Variants in RETREG1 observed in about 807,000 individuals in gnomAD.
RETREG1 encodes reticulophagy regulator 1.
RETREG1 carries 44 observed loss-of-function variants against 54.8 expected under a neutral mutation model. That is an observed-to-expected ratio of 0.80 (90% CI 0.63 to 1.03). RETREG1 has a LOEUF of 1.03. RETREG1 is among the 50% of genes least tolerant of loss of function. The pLI, the probability that RETREG1 is intolerant of heterozygous loss-of-function variation, is 0.00. For missense variants in RETREG1, 554 were observed against 605.1 expected (o/e 0.92, Z 0.89); for synonymous variants, 217 against 238.5 (o/e 0.91, Z 0.83).
intron 3 of RETREG1, among the ~76,000 whole-genome samples, chr5:16,537,741 G>A (rs1233589140): frequency 6.7e-6 from 1 of 148,888 alleles, no homozygotes. Flanking sequence ...GGATGTTGGG[G>A]TGGCAGGAGA....
intron 2 of RETREG1, among the ~76,000 whole-genome samples, chr5:16,566,712 G>A (rs1742023098): frequency 6.6e-6 from 1 of 152,044 alleles, no homozygotes; most frequent in South Asian, 2.1e-4. Context: ...TTTTGCCTTG[G>A]CTGCCAATAT....
chr5:16,612,091 C>G (rs1189872065), intron 1 of RETREG1, among the ~76,000 whole-genome samples: 4 of 151,812 alleles, frequency 2.6e-5, no homozygotes, highest in Admixed American at 6.6e-5. Flanking sequence ...GGACATCACC[C>G]TATCACCCTA....
intron 3 of RETREG1, chr5:16,508,510 T>C: frequency 7.1e-7 from 1 of 1,415,906 alleles, no homozygotes; most frequent in South Asian, 1.2e-5. Flanking sequence ...AGTCATAATA[T>C]TTTTAAAAAG....
rs148468607 is a variant in RETREG1 at position 16,570,320 on chromosome 5, C to G, written c.427+1676G>C. 4.3e-4 allele frequency among the ~76,000 whole-genome samples: 65 copies of G among 152,298 alleles called. 1 individual carries two copies. In the East Asian group the frequency reaches 0.012, roughly 28 times the overall value. The stretch of plus-strand genomic sequence containing the variant: ...GAAATTTCCACATCTGCATGAATAT[C>G]AAGCCCATGAGTCAACAGCGGAAAC... On this transcript the variant is annotated intron_variant, in intron 2 of 8. Transcript: ENST00000306320.
At chr5:16,542,800 A>C (rs982611607) in intron 3 of RETREG1, among the ~76,000 whole-genome samples, 1 of 152,184 alleles carries the variant, frequency 6.6e-6, no homozygotes, top group Non-Finnish European at 1.5e-5. Context: ...CGGTGCTTTC[A>C]TTCATGTATT....
intron 3 of RETREG1, chr5:16,509,054 T>TTC (rs1409845262): frequency 3.0e-6 from 3 of 986,574 alleles, no homozygotes; most frequent in African/African-American, 3.5e-5. Context: ...TTTTTTTTTT[T>TTC]CTGGCATGAC....
At chr5:16,477,915 C>A in intron 7 of RETREG1, 119 bp downstream of exon 7, 1 of 1,391,854 alleles carries the variant, frequency 7.2e-7, no homozygotes, top group South Asian at 1.2e-5. Flanking sequence ...ATTTTGAAAT[C>A]ATTCAGTCAT....
chr5:16,506,477 G>T (rs375962315), intron 3 of RETREG1, among the ~76,000 whole-genome samples: 51 of 144,538 alleles, frequency 3.5e-4, no homozygotes, highest in Admixed American at 9.0e-4. Flanking sequence ...TTGTTTTTTT[G>T]TTTTTTTTTT....
intron 3 of RETREG1, among the ~76,000 whole-genome samples, chr5:16,535,611 A>G (rs1272086408): frequency 6.8e-6 from 1 of 147,558 alleles, no homozygotes; most frequent in Non-Finnish European, 1.5e-5. Flanking sequence ...TCCTGTGTAC[A>G]CGCTGCCTTC....
At chr5:16,524,293 T>C (rs1043684502) in intron 3 of RETREG1, among the ~76,000 whole-genome samples, 8 of 152,190 alleles carry the variant, frequency 5.3e-5, no homozygotes, top group African/African-American at 1.7e-4. Flanking sequence ...CCATTTCCAA[T>C]GTACTCCCAT....
intron 1 of RETREG1, among the ~76,000 whole-genome samples, chr5:16,609,581 A>T (rs138190913): frequency 6.6e-6 from 1 of 152,318 alleles, no homozygotes; most frequent in Non-Finnish European, 1.5e-5. Context: ...TGCAGCGGCC[A>T]GGCCACCTAA....
intron 3 of RETREG1, among the ~76,000 whole-genome samples, chr5:16,491,764 T>C (rs1043956755): frequency 6.6e-6 from 1 of 152,134 alleles, no homozygotes; most frequent in Admixed American, 6.5e-5. Context: ...GGCTCACACC[T>C]GTAATCCCAG....
chr5:16,567,589 T>C (rs1256684758), intron 2 of RETREG1, among the ~76,000 whole-genome samples: 1 of 152,096 alleles, frequency 6.6e-6, no homozygotes, highest in Non-Finnish European at 1.5e-5. Context: ...GCTCCACAGG[T>C]GGCTGGGGGA....
intron 3 of RETREG1, among the ~76,000 whole-genome samples, chr5:16,507,548 A>C (rs1740005602): frequency 6.6e-6 from 1 of 152,190 alleles, no homozygotes; most frequent in African/African-American, 2.4e-5. Context: ...TTTTATGTAG[A>C]AAGTTGTTTC....
chr5:16,539,647 A>G (rs1400115973), intron 3 of RETREG1, among the ~76,000 whole-genome samples: 1 of 151,872 alleles, frequency 6.6e-6, no homozygotes, highest in Non-Finnish European at 1.5e-5. Flanking sequence ...CCAATCAACC[A>G]CCAGGAAAGC....
intron 1 of RETREG1, among the ~76,000 whole-genome samples, chr5:16,587,917 G>A (rs1452363402): frequency 6.6e-6 from 1 of 152,118 alleles, no homozygotes; most frequent in African/African-American, 2.4e-5. Context: ...CTTTCCAGGT[G>A]AATGAATCTT....
intron 3 of RETREG1, among the ~76,000 whole-genome samples, chr5:16,562,269 C>T (rs1005335443): frequency 2.8e-4 from 42 of 152,174 alleles, no homozygotes; most frequent in African/African-American, 8.9e-4. Context: ...GAGCTGAGAT[C>T]GCGCCATTGC....
At chr5:16,599,118 G>A (rs1561134915) in intron 1 of RETREG1, among the ~76,000 whole-genome samples, 1 of 152,128 alleles carries the variant, frequency 6.6e-6, no homozygotes, top group Non-Finnish European at 1.5e-5. Flanking sequence ...TGATGGGCGA[G>A]GGCTGCTTGA....
chr5:16,541,931 C>T (rs1741265101), intron 3 of RETREG1, among the ~76,000 whole-genome samples: 1 of 152,122 alleles, frequency 6.6e-6, no homozygotes, highest in Admixed American at 6.5e-5. Flanking sequence ...AGAAATTACA[C>T]AGGAGGCAAT....
Sources: gnomAD v4.1 joint callset for allele counts (sites outside exome capture counted in the v4.1 genomes callset) on GRCh38, gnomAD v4.1.1 for gene constraint, MANE v1.5 for transcripts, NCBI Gene and HGNC (gene_info 2026-07-23, HGNC 2026-07-21) for gene names.